The following PTPRE variants were observed in gnomAD, a reference collection of about 807,000 sequenced individuals.
PTPRE encodes the protein protein tyrosine phosphatase receptor type E, also known as receptor-type tyrosine-protein phosphatase epsilon.
In PTPRE, 51 loss-of-function variants were observed where a neutral mutation model predicts 102.0. That is an observed-to-expected ratio of 0.50 (90% CI 0.40 to 0.63). The LOEUF (loss-of-function observed/expected upper bound fraction) is 0.63. Among genes scored for constraint, PTPRE ranks in the 30% least tolerant of loss-of-function variants. The pLI, the probability that PTPRE is intolerant of heterozygous loss-of-function variation, is 0.00. For missense variants in PTPRE, 752 were observed against 915.1 expected, an observed-to-expected ratio of 0.82 and a Z score of 2.30; for synonymous variants, 345 against 348.2, an observed-to-expected ratio of 0.99 and a Z score of 0.10.
intron 2 of PTPRE, among the ~76,000 whole-genome samples, chr10:127,982,805 C>A (rs922187680): frequency 6.6e-6 from 1 of 152,086 alleles, no homozygotes; most frequent in Non-Finnish European, 1.5e-5. Context: ...TAATTTTATG[C>A]CTTTTGGGTC....
intron 1 of PTPRE, among the ~76,000 whole-genome samples, chr10:127,975,955 C>T (rs1029017066): frequency 4.6e-5 from 7 of 152,148 alleles, no homozygotes; most frequent in Admixed American, 2.0e-4. Flanking sequence ...TAACAAACTC[C>T]TCATATGAGT....
chr10:127,968,325 G>A (rs1850426766), intron 1 of PTPRE, among the ~76,000 whole-genome samples: 1 of 152,176 alleles, frequency 6.6e-6, no homozygotes, highest in African/African-American at 2.4e-5. Context: ...GGAGGGGAAG[G>A]TGACTTTCAC....
intron 1 of PTPRE, among the ~76,000 whole-genome samples, chr10:127,928,717 A>AT (rs1847207847): frequency 6.6e-6 from 1 of 152,240 alleles, no homozygotes; most frequent in Admixed American, 6.5e-5. Flanking sequence ...TTGGAAATTT[A>AT]TATCTACCTT....
At position 128,073,394 on chromosome 10, in the gene PTPRE, G is replaced by A. The variant is rs367820978; in HGVS notation, c.1522G>A (p.Glu508Lys). 7 of 1,614,112 alleles carry A rather than the reference G, an allele frequency of 4.3e-6. No homozygotes were observed. The African/African-American group carries it at 6.7e-5, about 15-fold the overall frequency. Residue 508 changes from glutamate to lysine, a missense_variant, in exon 17 of 21, where the codon GAG becomes AAG. Physicochemically the swap from Glu to Lys is moderately conservative, Grantham distance 56. Coordinates refer to ENST00000254667, the MANE Select transcript of PTPRE (RefSeq NM_006504.6). Reference protein sequence around the residue: ...ATQGPLAHTVEDFWRMIWEWK... With the variant: ...ATQGPLAHTVKDFWRMIWEWK... ...CCAGGGGCCACTGGCACACACGGTT[G>A]AGGACTTCTGGAGGATGATCTGGGA...
chr10:128,053,979 T>G (rs1161727729), intron 6 of PTPRE, among the ~76,000 whole-genome samples: 1 of 152,136 alleles, frequency 6.6e-6, no homozygotes, highest in Non-Finnish European at 1.5e-5. Context: ...CAGGCTGGTC[T>G]TGAACTCCTG....
At chr10:128,000,365 A>C (rs2135550789) in intron 2 of PTPRE, among the ~76,000 whole-genome samples, 1 of 152,320 alleles carries the variant, frequency 6.6e-6, no homozygotes, top group African/African-American at 2.4e-5. Context: ...AAAATGTTAG[A>C]TTCATTTTGG....
chr10:127,942,040 G>GA lies in PTPRE; in HGVS notation c.-31+34742dup, dbSNP rs10717350. ...GAGCTGAATGTCTTTTTATCTCATAGAAAAAAAAAAATAGGTCAGCCTCCC... is the reference window on the plus strand; with the variant it reads ...GAGCTGAATGTCTTTTTATCTCATAGAAAAAAAAAAAATAGGTCAGCCTCCC... On this transcript the variant is annotated intron_variant, in intron 1 of 20. Transcript: ENST00000254667. 3.0e-3 allele frequency among the ~76,000 whole-genome samples: 451 copies of GA among 148,930 alleles called. 1 individual carries two copies. The highest frequency in any genetic ancestry group is 7.0e-3 in the Middle Eastern group (2 of 286).
intron 7 of PTPRE, 34 bp downstream of exon 7, chr10:128,056,247 G>A (rs752655517): frequency 7.1e-6 from 11 of 1,550,336 alleles, no homozygotes; most frequent in Non-Finnish European, 9.8e-6. Flanking sequence ...CATGATCAAT[G>A]GTGTTTGCAC....
At position 127,974,209 on chromosome 10, in the gene PTPRE, T is replaced by C. The variant is rs556130909; in HGVS notation, c.-30-8065T>C. Among the ~76,000 whole-genome samples the C allele has an allele frequency of 6.6e-5, 10 of 152,318 alleles. No individual in the cohort carries two copies. In the East Asian group the frequency reaches 1.4e-3, roughly 21 times the overall value. On this transcript the variant is annotated intron_variant, in intron 1 of 20. Coordinates refer to ENST00000254667, the MANE Select transcript of PTPRE (RefSeq NM_006504.6). ...ATCCCAGGCTCACAGCAGTGATTTA[T>C]TGGGTCCAGGCCTTATACTGAGTTC...
At chr10:127,960,512 G>T (rs573497625) in intron 1 of PTPRE, among the ~76,000 whole-genome samples, 59 of 152,190 alleles carry the variant, frequency 3.9e-4, no homozygotes, top group African/African-American at 1.4e-3. Flanking sequence ...TCTGGCAGCC[G>T]TGCCTCCCCC....
intron 2 of PTPRE, among the ~76,000 whole-genome samples, chr10:128,030,590 G>A (rs960337572): frequency 1.3e-5 from 2 of 152,148 alleles, no homozygotes; most frequent in African/African-American, 4.8e-5. Flanking sequence ...AACACCCGTG[G>A]AGCACCTCCT....
intron 20 of PTPRE, among the ~76,000 whole-genome samples, chr10:128,080,239 G>A (rs903600277): frequency 2.0e-5 from 3 of 152,176 alleles, no homozygotes; most frequent in Non-Finnish European, 2.9e-5. Context: ...TTTCAGAAGC[G>A]ATTCCTCCTC....
At chr10:128,052,362 T>A (rs1848626879) in intron 6 of PTPRE, among the ~76,000 whole-genome samples, 1 of 152,166 alleles carries the variant, frequency 6.6e-6, no homozygotes, top group South Asian at 2.1e-4. Context: ...TTGGTGGGGA[T>A]GAAAAGGATT....
Position 127,925,417 on chromosome 10 carries a change from G to C in PTPRE, c.-31+18108G>C, listed in dbSNP as rs112733793. 6.7e-3 allele frequency among the ~76,000 whole-genome samples: 1,028 copies of C among 152,300 alleles called. 4 individuals are homozygous for C. The highest frequency in any genetic ancestry group is 0.011 in the Non-Finnish European group (744 of 68,030). On this transcript the variant is annotated intron_variant, in intron 1 of 20. Transcript: ENST00000254667. ...GGATCCTCATTCTTTTCTGACCCCG[G>C]GTGGATTAGTTGTGGCTCCTGGCAA...
At chr10:128,032,949 C>T (rs1434043706) in intron 2 of PTPRE, among the ~76,000 whole-genome samples, 1 of 152,158 alleles carries the variant, frequency 6.6e-6, no homozygotes, top group Non-Finnish European at 1.5e-5. Flanking sequence ...TTAGAAAAGG[C>T]ATATCAAGCA....
At chr10:127,939,759 G>T (rs1243872808) in intron 1 of PTPRE, among the ~76,000 whole-genome samples, 1 of 152,140 alleles carries the variant, frequency 6.6e-6, no homozygotes, top group Non-Finnish European at 1.5e-5. Context: ...AGGAGAGGCA[G>T]GAGGAGGCAG....
intron 2 of PTPRE, among the ~76,000 whole-genome samples, chr10:128,039,487 A>G (rs1387759648): frequency 6.6e-6 from 1 of 152,218 alleles, no homozygotes; most frequent in Non-Finnish European, 1.5e-5. Context: ...TAAAAAAAAG[A>G]GGGAAGAAGT....
intron 1 of PTPRE, among the ~76,000 whole-genome samples, chr10:127,950,026 G>A (rs892388501): frequency 2.6e-5 from 4 of 151,834 alleles, no homozygotes; most frequent in African/African-American, 4.8e-5. Flanking sequence ...CTCTGGACCC[G>A]CCCCCACCAA....
intron 2 of PTPRE, among the ~76,000 whole-genome samples, chr10:128,000,915 A>G (rs1363704409): frequency 2.6e-5 from 4 of 152,216 alleles, no homozygotes; most frequent in Non-Finnish European, 5.9e-5. Context: ...GCCCTTGGAC[A>G]GGAAGCTACC....
Sources: gnomAD v4.1 joint callset for allele counts (sites outside exome capture counted in the v4.1 genomes callset) on GRCh38, gnomAD v4.1.1 for gene constraint, MANE v1.5 for transcripts, NCBI Gene and HGNC (gene_info 2026-07-23, HGNC 2026-07-21) for gene names.